The following EFHD1 variants were observed in gnomAD, a reference collection of about 807,000 sequenced individuals.
EFHD1 encodes the protein EF-hand domain family member D1.
EFHD1 carries 10 observed loss-of-function variants against 17.2 expected under a neutral mutation model. That is an observed-to-expected ratio of 0.58 (90% CI 0.36 to 0.99). The LOEUF (loss-of-function observed/expected upper bound fraction) is 0.99, where lower values mean the gene tolerates loss of function less well. EFHD1 is among the 50% of genes least tolerant of loss of function. The pLI, the probability that EFHD1 is intolerant of heterozygous loss-of-function variation, is 0.01. For synonymous variants in EFHD1, 153 were observed against 142.0 expected (o/e 1.08, Z -0.55); for missense variants, 310 against 327.5 (o/e 0.95, Z 0.41).
intron 1 of EFHD1, among the ~76,000 whole-genome samples, chr2:232,657,804 C>G (rs1694788795): frequency 7.0e-6 from 1 of 141,966 alleles, no homozygotes; most frequent in African/African-American, 2.8e-5. Flanking sequence ...AAGAATGAAA[C>G]TCCATCTCAA....
rs902732703 is a variant in EFHD1 at position 232,633,770 on chromosome 2, T to C, written c.66T>C (p.Ser22=). 8 of 1,465,848 alleles carry C rather than the reference T, an allele frequency of 5.5e-6. No individual in the cohort carries two copies. The highest frequency in any genetic ancestry group is 7.2e-6 in the Non-Finnish European group (8 of 1,117,050). 90.8% of individuals were successfully genotyped at this position (1,465,848 alleles called of 1,614,324 possible). A position where few individuals can be genotyped will look rare whatever the true frequency, so the allele number is the denominator to read the frequency against. ...RRLRREEAEE[S]GPQLAPLGAP... Reference sequence around the variant, plus strand: ...TGCGGCGCGAGGAGGCCGAGGAGAGTGGCCCCCAGCTGGCTCCCCTCGGCG... The same window carrying C: ...TGCGGCGCGAGGAGGCCGAGGAGAGCGGCCCCCAGCTGGCTCCCCTCGGCG... Residue 22 remains serine (S), a synonymous_variant, in exon 1 of 4, where the codon AGT becomes AGC. Coordinates refer to ENST00000264059, the MANE Select transcript of EFHD1 (RefSeq NM_025202.4).
chr2:232,642,740 AG>A (rs987643846), intron 1 of EFHD1, among the ~76,000 whole-genome samples: 3 of 152,106 alleles, frequency 2.0e-5, no homozygotes, highest in Admixed American at 1.3e-4. Flanking sequence ...TCTGTTCCCG[AG>A]GGTCACCTGC....
At chr2:232,633,411 C>T (rs1694240664), upstream of EFHD1, 2 of 1,190,610 alleles carry the variant, frequency 1.7e-6, no homozygotes, top group Non-Finnish European at 1.0e-6. Context: ...AGCCTCCCGC[C>T]CGGAGCCGCG....
chr2:232,657,720 G>A (rs1042119792), intron 1 of EFHD1, among the ~76,000 whole-genome samples: 29 of 150,672 alleles, frequency 1.9e-4, no homozygotes, highest in Non-Finnish European at 3.7e-4. Context: ...CCTGAGGCAG[G>A]AGAATCACTT....
At chr2:232,660,183 T>TTA (rs1694832461) in intron 1 of EFHD1, among the ~76,000 whole-genome samples, 1 of 98,588 alleles carries the variant, frequency 1.0e-5, no homozygotes, top group Non-Finnish European at 2.3e-5. Flanking sequence ...TTATTTTATT[T>TTA]TATTTTATTT....
chr2:232,635,821 G>A (rs62191636), intron 1 of EFHD1, among the ~76,000 whole-genome samples: 1 of 146,998 alleles, frequency 6.8e-6, no homozygotes. Flanking sequence ...TCTGTCTCAA[G>A]GGGAAAAAAA....
At chr2:232,638,024 C>CA (rs1694349590) in intron 1 of EFHD1, 1 of 203,426 alleles carries the variant, frequency 4.9e-6, no homozygotes, top group African/African-American at 2.3e-5. Flanking sequence ...AAGCCAGAGG[C>CA]ACCATCAGCC....
chr2:232,672,027 G>T (rs560767819), intron 2 of EFHD1, among the ~76,000 whole-genome samples: 15 of 151,316 alleles, frequency 9.9e-5, no homozygotes, highest in African/African-American at 3.2e-4. Context: ...TTGCACTCCA[G>T]CCTGGGCAAC....
At chr2:232,662,291 G>A (rs1264033791) in intron 1 of EFHD1, among the ~76,000 whole-genome samples, 1 of 151,906 alleles carries the variant, frequency 6.6e-6, no homozygotes, top group African/African-American at 2.4e-5. Context: ...TCATGATTCC[G>A]CACACAGGGG....
intron 1 of EFHD1, among the ~76,000 whole-genome samples, chr2:232,638,786 G>C (rs1461973899): frequency 2.0e-5 from 3 of 152,224 alleles, no homozygotes; most frequent in Non-Finnish European, 4.4e-5. Flanking sequence ...AAGAGGTACT[G>C]ACTTGTCCTG....
In EFHD1 at chr2:232,672,291, A is replaced by T; in HGVS notation, c.451-18A>T. 1.2e-6 allele frequency: 2 copies of T among 1,614,110 alleles called. No homozygotes were observed. Among genetic ancestry groups the T allele is most frequent in the African/African-American group, 2.7e-5 (2 of 75,044 alleles). On this transcript the variant is annotated intron_variant, in intron 2 of 3. Coordinates refer to ENST00000264059, the MANE Select transcript of EFHD1 (RefSeq NM_025202.4). ...TCAGTGAGACTGACTCTGGTTCCCT[A>T]CTTTCTTTCCCCTGTAGTTCCTGCT...
intron 3 of EFHD1, among the ~76,000 whole-genome samples, chr2:232,675,715 C>G (rs1211727810): frequency 2.0e-5 from 3 of 152,054 alleles, no homozygotes; most frequent in East Asian, 1.9e-4. Context: ...CACAGATGTC[C>G]TGAGAAGAAT....
chr2:232,634,905 C>T (rs1030989857), intron 1 of EFHD1, among the ~76,000 whole-genome samples: 1 of 152,198 alleles, frequency 6.6e-6, no homozygotes, highest in African/African-American at 2.4e-5. Context: ...GAGCTGAGGC[C>T]GCCGGCCAGG....
intron 1 of EFHD1, among the ~76,000 whole-genome samples, chr2:232,656,057 C>T (rs189950367): frequency 0.011 from 1,656 of 152,150 alleles, 36 homozygotes; most frequent in African/African-American, 0.037. Flanking sequence ...CCACCCACCT[C>T]GGCCTCCCAA....
chr2:232,633,648 C>T lies in EFHD1; in HGVS notation c.-57C>T. Reference sequence around the variant, plus strand: ...AGCCTGCGAGGAGCGCGCCGCCCGCCAGCTCCCTGCGTCCCGTCCCGCGTC... The same window carrying T: ...AGCCTGCGAGGAGCGCGCCGCCCGCTAGCTCCCTGCGTCCCGTCCCGCGTC... On this transcript the variant is annotated 5_prime_UTR_variant, in exon 1 of 4. Coordinates refer to ENST00000264059, the MANE Select transcript of EFHD1 (RefSeq NM_025202.4). The T allele has an allele frequency of 7.3e-7, 1 of 1,367,176 alleles. No homozygotes were observed. The highest frequency in any genetic ancestry group is 9.3e-7 in the Non-Finnish European group (1 of 1,070,832). 84.7% of individuals were successfully genotyped at this position (1,367,176 alleles called of 1,614,324 possible).
chr2:232,614,187 T>TAC lies in EFHD1; in HGVS notation c.14+8026_14+8027dup, dbSNP rs553104335. Among the ~76,000 whole-genome samples, 753 of 150,554 alleles carry TAC rather than the reference T, an allele frequency of 5.0e-3. 2 individuals carry two copies. The highest frequency in any genetic ancestry group is 7.3e-3 in the Non-Finnish European group (496 of 67,888). Reference sequence around the variant, plus strand: ...ACATATATACAAACACACACACCTATACACACACACACATATATATTTCTA... The same window carrying TAC: ...ACATATATACAAACACACACACCTATACACACACACACACATATATATTTCTA... On this transcript the variant is annotated intron_variant, in intron 1 of 3. Coordinates refer to the EFHD1 transcript ENST00000409613.
chr2:232,607,432 TAA>T (rs747178365), intron 1 of EFHD1, among the ~76,000 whole-genome samples: 8 of 88,536 alleles, frequency 9.0e-5, no homozygotes, highest in Non-Finnish European at 9.1e-5. Flanking sequence ...TCCTAAAAAT[TAA>T]AAAAAAAAAA....
intron 2 of EFHD1, among the ~76,000 whole-genome samples, chr2:232,666,120 T>G (rs1464522910): frequency 6.6e-6 from 1 of 152,226 alleles, no homozygotes; most frequent in Non-Finnish European, 1.5e-5. Context: ...GGCTTGTCCC[T>G]TGCTTCTATA....
chr2:232,670,408 T>C (rs950036334), intron 2 of EFHD1, among the ~76,000 whole-genome samples: 1 of 151,786 alleles, frequency 6.6e-6, no homozygotes, highest in Non-Finnish European at 1.5e-5. Flanking sequence ...GCCATTGCAC[T>C]CCAGCCTGAG....
Sources: allele counts gnomAD v4.1 joint callset (sites outside exome capture counted in the v4.1 genomes callset), GRCh38; gene constraint gnomAD v4.1.1; transcripts MANE v1.5; gene names NCBI Gene and HGNC (gene_info 2026-07-23, HGNC 2026-07-21).